Variants in EXOC2 observed in about 807,000 individuals in gnomAD.
The protein encoded by EXOC2 is SEC5-like 1.
A neutral mutation model predicts 131.8 loss-of-function variants in EXOC2; 70 were observed. That is an observed-to-expected ratio of 0.53 (90% CI 0.44 to 0.65). The LOEUF (loss-of-function observed/expected upper bound fraction) is 0.65, where lower values mean the gene tolerates loss of function less well. Ranked by LOEUF, EXOC2 falls within the 30% of genes least tolerant of loss-of-function variation. EXOC2 has a pLI of 0.00. For missense variants in EXOC2, 923 were observed against 1,108.6 expected (o/e 0.83, Z 2.38); for synonymous variants, 411 against 398.4 (o/e 1.03, Z -0.38).
chr6:552,222 C>A (rs1195887794), intron 21 of EXOC2, among the ~76,000 whole-genome samples: 1 of 152,248 alleles, frequency 6.6e-6, no homozygotes, highest in Non-Finnish European at 1.5e-5. Flanking sequence ...CACACCCAGG[C>A]CCCCTCACTG....
At chr6:524,317 GAA>G (rs1350448224) in intron 23 of EXOC2, 8 of 152,114 alleles carry the variant, frequency 5.3e-5, no homozygotes, top group African/African-American at 1.4e-4. Context: ...ATCTATGTAA[GAA>G]ACCTGCACGC....
intron 24 of EXOC2, among the ~76,000 whole-genome samples, chr6:497,942 G>GC (rs972564672): frequency 8.5e-5 from 13 of 152,084 alleles, no homozygotes; most frequent in South Asian, 2.1e-4. Flanking sequence ...TGGAGAACAA[G>GC]CCCCCCCTCC....
intron 7 of EXOC2, among the ~76,000 whole-genome samples, chr6:607,823 G>A (rs950184355): frequency 3.6e-4 from 55 of 152,132 alleles, no homozygotes; most frequent in African/African-American, 1.3e-3. Context: ...ACAGACATGA[G>A]AAACACATAT....
At chr6:595,648 A>G (rs1759771850) in intron 10 of EXOC2, among the ~76,000 whole-genome samples, 1 of 152,084 alleles carries the variant, frequency 6.6e-6, no homozygotes, top group Non-Finnish European at 1.5e-5. Context: ...AACCCACAAC[A>G]TAAAGAATTT....
intron 1 of EXOC2, among the ~76,000 whole-genome samples, chr6:638,592 T>A (rs910841873): frequency 6.6e-6 from 1 of 152,216 alleles, no homozygotes; most frequent in Non-Finnish European, 1.5e-5. Flanking sequence ...ACATACAGGA[T>A]AATCCTTGGA....
At chr6:685,485 A>G (rs1302847752) in intron 1 of EXOC2, among the ~76,000 whole-genome samples, 1 of 152,224 alleles carries the variant, frequency 6.6e-6, no homozygotes, top group Non-Finnish European at 1.5e-5. Context: ...TATTGGGGAA[A>G]GGGTTCGGGA....
chr6:555,350 T>C, intron 19 of EXOC2, 62 bp from the exon 20 acceptor site: 1 of 1,073,764 alleles, frequency 9.3e-7, no homozygotes, highest in Non-Finnish European at 1.3e-6. Flanking sequence ...TTAATCTATT[T>C]GGACACTAAA....
At chr6:564,292 C>A (rs530132402) in intron 15 of EXOC2, 138 bp from the exon 16 acceptor site, 9 of 1,319,058 alleles carry the variant, frequency 6.8e-6, no homozygotes, top group Non-Finnish European at 9.2e-6. Context: ...CAGACCACAA[C>A]TGGGACTGTA....
chr6:543,167 T>C (rs1756651729), intron 22 of EXOC2, among the ~76,000 whole-genome samples: 2 of 152,134 alleles, frequency 1.3e-5, no homozygotes, highest in Non-Finnish European at 2.9e-5. Flanking sequence ...AGGGGTTGAG[T>C]TGAGAAGAAA....
intron 23 of EXOC2, among the ~76,000 whole-genome samples, chr6:523,479 T>C (rs1329514296): frequency 6.6e-6 from 1 of 152,260 alleles, no homozygotes; most frequent in Non-Finnish European, 1.5e-5. Flanking sequence ...ACTTTATGAA[T>C]GAAAAATGTA....
chr6:546,501 G>A (rs987801261), intron 22 of EXOC2, among the ~76,000 whole-genome samples: 3 of 152,110 alleles, frequency 2.0e-5, no homozygotes, highest in Non-Finnish European at 2.9e-5. Context: ...GTGTGCAGGT[G>A]ACCCTTGAAC....
intron 6 of EXOC2, among the ~76,000 whole-genome samples, chr6:612,922 T>C (rs1417714264): frequency 6.6e-6 from 1 of 152,162 alleles, no homozygotes; most frequent in Admixed American, 6.5e-5. Flanking sequence ...CAAGAGATTA[T>C]ACAGGTCACT....
chr6:684,885 C>A (rs1405638286), intron 1 of EXOC2, among the ~76,000 whole-genome samples: 1 of 152,108 alleles, frequency 6.6e-6, no homozygotes, highest in East Asian at 1.9e-4. Flanking sequence ...AAGAGTTTCG[C>A]TGATTTCAAC....
chr6:493,634 C>A (rs566400618), intron 25 of EXOC2, among the ~76,000 whole-genome samples: 2 of 152,314 alleles, frequency 1.3e-5, no homozygotes, highest in South Asian at 4.1e-4. Context: ...GCTCTCAGGA[C>A]AGTTCTGGAG....
chr6:586,986 G>A (rs1219647091), intron 11 of EXOC2, among the ~76,000 whole-genome samples: 1 of 152,148 alleles, frequency 6.6e-6, no homozygotes, highest in Non-Finnish European at 1.5e-5. Context: ...TCACAATTAT[G>A]AGAGGATGCT....
intron 1 of EXOC2, among the ~76,000 whole-genome samples, chr6:663,717 G>A (rs775481329): frequency 4.6e-5 from 7 of 152,048 alleles, no homozygotes; most frequent in Non-Finnish European, 7.4e-5. Flanking sequence ...CACAGAAAAA[G>A]CATTTGACAA....
intron 3 of EXOC2, among the ~76,000 whole-genome samples, chr6:631,268 A>T (rs376659572): frequency 6.6e-6 from 1 of 152,214 alleles, no homozygotes; most frequent in East Asian, 1.9e-4. Flanking sequence ...GGCCGGGTGC[A>T]GTAGCTCACA....
chr6:495,054 ATTTT>A (rs11335528), intron 25 of EXOC2, among the ~76,000 whole-genome samples: 1 of 141,522 alleles, frequency 7.1e-6, no homozygotes. Context: ...AATTAAAACA[ATTTT>A]TTTTTTTTTT....
At chr6:526,599 C>T (rs562468921) in intron 23 of EXOC2, among the ~76,000 whole-genome samples, 1 of 151,898 alleles carries the variant, frequency 6.6e-6, no homozygotes, top group Non-Finnish European at 1.5e-5. Flanking sequence ...CACCACCGTG[C>T]CCGGTTAATT....
Sources: allele counts gnomAD v4.1 joint callset (sites outside exome capture counted in the v4.1 genomes callset), GRCh38; gene constraint gnomAD v4.1.1; transcripts MANE v1.5; gene names NCBI Gene and HGNC (gene_info 2026-07-23, HGNC 2026-07-21).